Variants in NBPF15 observed in about 807,000 individuals in gnomAD.
NBPF15 encodes the protein NBPF member 15, also known as NBPF family member NBPF15.
In NBPF15, 74 loss-of-function variants were observed where a neutral mutation model predicts 62.2. That is an observed-to-expected ratio of 1.19 (90% CI 0.99 to 1.44). The LOEUF (loss-of-function observed/expected upper bound fraction) is 1.44, where lower values mean the gene tolerates loss of function less well. Ranked by LOEUF, NBPF15 falls within the 40% of genes most tolerant of loss-of-function variation. The probability of loss-of-function intolerance (pLI) is 0.00; values close to 1 mark genes in which losing one functional copy is unlikely to be tolerated. For synonymous variants in NBPF15, 244 were observed against 209.7 expected (o/e 1.16, Z -1.41); for missense variants, 790 against 550.0 (o/e 1.44, Z -4.36).
In NBPF15 at chr1:144,422,710, A is replaced by G. The variant is rs1666583059; in HGVS notation, c.*303T>C. 1.8e-6 allele frequency: 1 copy of G among 563,612 alleles called. No homozygotes were observed. Among genetic ancestry groups the G allele is most frequent in the African/African-American group, 2.0e-5 (1 of 51,220 alleles). The allele number at this position is 563,612 out of a possible 1,614,324, so 34.9% of individuals were successfully genotyped here. On this transcript the variant is annotated 3_prime_UTR_variant, in exon 22 of 22. Coordinates refer to ENST00000581897, the MANE Select transcript of NBPF15 (RefSeq NM_001385408.1). ...TATAGAAGCTCAGAGACATGCCTGC[A>G]AAATGAAATCCCTGAGGAATTTTGT...
In NBPF15 at chr1:144,444,524, G is replaced by A. The variant is rs1227840636; in HGVS notation, c.-190-4229C>T. ...TGATTTAGCAGGAGACAAGATAAGG[G>A]CCCCCAGCACCTAGACCCATTTAGA... On this transcript the variant is annotated intron_variant, in intron 6 of 21. Coordinates refer to ENST00000581897, the MANE Select transcript of NBPF15 (RefSeq NM_001385408.1). Among the ~76,000 whole-genome samples the A allele has an allele frequency of 2.0e-5, 3 of 151,682 alleles. No individual in the cohort carries two copies. In the South Asian group the frequency reaches 6.3e-4, roughly 32 times the overall value.
chr1:144,454,446 AG>A (rs1288640690), intron 4 of NBPF15, among the ~76,000 whole-genome samples: 1 of 111,280 alleles, frequency 9.0e-6, no homozygotes, highest in African/African-American at 5.0e-5. Flanking sequence ...ACATACTAAT[AG>A]GGGAAACTGT....
At position 144,435,335 on chromosome 1, in the gene NBPF15, C is replaced by G; in HGVS notation, c.567-19G>C. 3.4e-6 allele frequency: 5 copies of G among 1,477,346 alleles called. No individual in the cohort carries two copies. Among genetic ancestry groups the G allele is most frequent in the African/African-American group, 1.4e-5 (1 of 72,242 alleles). 91.5% of individuals were successfully genotyped at this position (1,477,346 alleles called of 1,614,324 possible). A position where few individuals can be genotyped will look rare whatever the true frequency, so the allele number is the denominator to read the frequency against. On this transcript the variant is annotated intron_variant, in intron 11 of 21. Coordinates refer to ENST00000581897, the MANE Select transcript of NBPF15 (RefSeq NM_001385408.1). ...CATCTCCCTGATGAGCCAGGTGGGACAGAGATGACAGAAGATTAAACACAG... is the reference window on the plus strand; with the variant it reads ...CATCTCCCTGATGAGCCAGGTGGGAGAGAGATGACAGAAGATTAAACACAG...
At chr1:144,432,589 G>T (rs1261088669) in intron 13 of NBPF15, among the ~76,000 whole-genome samples, 5 of 151,710 alleles carry the variant, frequency 3.3e-5, no homozygotes, top group African/African-American at 9.7e-5. Flanking sequence ...ACACACATAG[G>T]CTCAAAATAA....
chr1:144,447,910 G>A, intron 6 of NBPF15, among the ~76,000 whole-genome samples: 2 of 152,132 alleles, frequency 1.3e-5, no homozygotes, highest in Non-Finnish European at 1.5e-5. Flanking sequence ...AGGTGCAAGA[G>A]AATAGAAGAG....
At chr1:144,449,581 G>C (rs1406059755) in intron 5 of NBPF15, among the ~76,000 whole-genome samples, 15 of 152,110 alleles carry the variant, frequency 9.9e-5, no homozygotes, top group African/African-American at 2.9e-4. Flanking sequence ...ATACGCAAAA[G>C]AGTGTGAGGA....
rs1224515465 is a variant in NBPF15, at chr1:144,461,619, G to A, written c.-1176C>T. ...TGTCTCAACCGCCGCCCAGCCCATAGCCTGCGCCAGCTGGCTCCTCAGGGT... is the reference window on the plus strand; with the variant it reads ...TGTCTCAACCGCCGCCCAGCCCATAACCTGCGCCAGCTGGCTCCTCAGGGT... On this transcript the variant is annotated 5_prime_UTR_variant, in exon 1 of 22. Coordinates refer to ENST00000581897, the MANE Select transcript of NBPF15 (RefSeq NM_001385408.1). The A allele has an allele frequency of 6.6e-6, 1 of 152,522 alleles. No homozygotes were observed. Among genetic ancestry groups the A allele is most frequent in the African/African-American group, 2.4e-5 (1 of 41,426 alleles). The allele number at this position is 152,522 out of a possible 1,614,324, so 9.4% of individuals were successfully genotyped here. A position where few individuals can be genotyped will look rare whatever the true frequency, so the allele number is the denominator to read the frequency against.
intron 12 of NBPF15, 141 bp downstream of exon 12, chr1:144,434,970 G>T (rs1677138371): frequency 8.4e-6 from 12 of 1,433,320 alleles, no homozygotes; most frequent in Non-Finnish European, 1.2e-5. Flanking sequence ...AGCTGAGAAG[G>T]ACAAAAAAAC....
In NBPF15 at chr1:144,439,981, A is replaced by C. The variant is rs76384020; in HGVS notation, c.23T>G (p.Leu8Trp). 56 of 1,609,936 alleles carry C rather than the reference A, an allele frequency of 3.5e-5. 2 individuals are homozygous for C. Among genetic ancestry groups the C allele is most frequent in the East Asian group, 1.3e-4 (6 of 44,858 alleles). MVVSAGP[L>W]SSEKAEMNIL... The stretch of plus-strand genomic sequence containing the variant: ...GTTCATCTCTGCCTTCTCGCTGGAC[A>C]AAGGGCCGGCTGATACCACCATGCT... Residue 8 changes from leucine (L) to tryptophan (W), a missense_variant, in exon 8 of 22, where the codon TTG becomes TGG. Coordinates refer to ENST00000581897, the MANE Select transcript of NBPF15 (RefSeq NM_001385408.1).
At position 144,446,108 on chromosome 1, in the gene NBPF15, C is replaced by T. The variant is rs374069383; in HGVS notation, c.-191+2667G>A. ...GACCTCATGATCTGCCCACCTCGGC[C>T]TCCCAAAGTGCTGAGATTACAGGTG... On this transcript the variant is annotated intron_variant, in intron 6 of 21. Transcript: ENST00000581897. Among the ~76,000 whole-genome samples the T allele has an allele frequency of 1.3e-4, 19 of 151,588 alleles. No homozygotes were observed. The East Asian group carries it at 2.5e-3, about 20-fold the overall frequency.
chr1:144,423,191 T>A lies in NBPF15; in HGVS notation c.1835A>T (p.Tyr612Phe). 6.2e-7 allele frequency: 1 copy of A among 1,611,624 alleles called. No homozygotes were observed. The highest frequency in any genetic ancestry group is 8.5e-7 in the Non-Finnish European group (1 of 1,179,606). Reference protein sequence around the residue: ...EVLQDSLDRCYSTPSMYFEQP... With the variant: ...EVLQDSLDRCFSTPSMYFEQP... ...TTCAAAGTACATTGACGGAGTCGAA[T>A]AACATCTATCCAGTGAGTCCTGTAA... Residue 612 changes from tyrosine to phenylalanine, a missense_variant, in exon 22 of 22, where the codon TAT becomes TTT. Coordinates refer to ENST00000581897, the MANE Select transcript of NBPF15 (RefSeq NM_001385408.1).
chr1:144,441,917 C>A (rs1489675599), intron 6 of NBPF15, among the ~76,000 whole-genome samples: 1 of 148,136 alleles, frequency 6.8e-6, no homozygotes. Flanking sequence ...CATTTAGAAG[C>A]GGCGGTGCGA....
rs1312076282 is a variant in NBPF15 at position 144,437,926 on chromosome 1, C to A, written c.278+19G>T. On this transcript the variant is annotated intron_variant, in intron 9 of 21. Coordinates refer to ENST00000581897, the MANE Select transcript of NBPF15 (RefSeq NM_001385408.1). ...TTTACACACCTGCCCCCCTGCCTGC[C>A]CCCATGGGGTCCCCTCACCTGAGCT... 5 of 1,611,538 alleles carry A rather than the reference C, an allele frequency of 3.1e-6. No individual in the cohort carries two copies. The Admixed American group carries it at 8.3e-5, about 27-fold the overall frequency.
chr1:144,426,678 C>T (rs1255329334), intron 17 of NBPF15, among the ~76,000 whole-genome samples: 1 of 151,570 alleles, frequency 6.6e-6, no homozygotes, highest in Non-Finnish European at 1.5e-5. Flanking sequence ...AAAGTGAGCT[C>T]AGCGAATTGG....
Position 144,437,936 on chromosome 1 carries a change from TC to T in NBPF15, c.278+8del, listed in dbSNP as rs1679840070. ...TGCCCCCCTGCCTGCCCCCATGGGG[TC>T]CCCTCACCTGAGCTCCTCAGCTTGC... On this transcript the variant is annotated splice_region_variant and intron_variant, in intron 9 of 21. Coordinates refer to ENST00000581897, the MANE Select transcript of NBPF15 (RefSeq NM_001385408.1). The T allele has an allele frequency of 6.3e-7, 1 of 1,596,790 alleles. No individual in the cohort carries two copies.
intron 17 of NBPF15, among the ~76,000 whole-genome samples, chr1:144,426,753 G>C (rs587715866): frequency 1.3e-5 from 2 of 151,800 alleles, no homozygotes; most frequent in African/African-American, 4.8e-5. Flanking sequence ...GACACACAAC[G>C]AACAGTGGTC....
intron 13 of NBPF15, among the ~76,000 whole-genome samples, chr1:144,432,481 G>A (rs1320690543): frequency 6.6e-6 from 1 of 151,892 alleles, no homozygotes; most frequent in East Asian, 1.9e-4. Context: ...ATGTAAATGG[G>A]CTAAATGCCC....
chr1:144,446,481 T>C (rs1687618487), intron 6 of NBPF15, among the ~76,000 whole-genome samples: 1 of 152,306 alleles, frequency 6.6e-6, no homozygotes, highest in Non-Finnish European at 1.5e-5. Context: ...TAACAACAGG[T>C]ATTCTACTTT....
At chr1:144,441,444 A>G (rs1472121026) in intron 6 of NBPF15, among the ~76,000 whole-genome samples, 2 of 150,276 alleles carry the variant, frequency 1.3e-5, no homozygotes, top group African/African-American at 2.5e-5. Flanking sequence ...TATCTTCTCA[A>G]ATTTTTATAT....
Sources: allele counts gnomAD v4.1 joint callset (sites outside exome capture counted in the v4.1 genomes callset), GRCh38; gene constraint gnomAD v4.1.1; transcripts MANE v1.5; gene names NCBI Gene and HGNC (gene_info 2026-07-23, HGNC 2026-07-21).